Variants in NAALADL2 observed in about 807,000 individuals in gnomAD.
The protein encoded by NAALADL2 is N-acetylated alpha-linked acidic dipeptidase like 2, also known as inactive N-acetylated-alpha-linked acidic dipeptidase-like protein 2.
Under a neutral mutation model 87.2 loss-of-function variants are expected in NAALADL2, and 76 were observed. The ratio of observed to expected loss-of-function variants is 0.87; its 90% confidence interval spans 0.72 to 1.05. NAALADL2 has a LOEUF of 1.05. NAALADL2 is among the 50% of genes least tolerant of loss of function. NAALADL2 has a pLI of 0.00. For synonymous variants in NAALADL2, 354 were observed against 331.0 expected (o/e 1.07, Z -0.75); for missense variants, 1,089 against 945.8 (o/e 1.15, Z -1.99).
chr3:174,970,793 A>G (rs1166154603), intron 1 of NAALADL2, among the ~76,000 whole-genome samples: 1 of 152,194 alleles, frequency 6.6e-6, no homozygotes, highest in African/African-American at 2.4e-5. Context: ...ACATATTTAT[A>G]TGGTCTCATT....
intron 2 of NAALADL2, among the ~76,000 whole-genome samples, chr3:174,731,510 A>T (rs1732704726): frequency 6.6e-6 from 1 of 152,170 alleles, no homozygotes; most frequent in Admixed American, 6.6e-5. Context: ...ATATATTTTC[A>T]TAACTTAGAA....
At chr3:174,882,783 A>T (rs151122575) in intron 1 of NAALADL2, among the ~76,000 whole-genome samples, 1 of 106,384 alleles carries the variant, frequency 9.4e-6, no homozygotes, top group Non-Finnish European at 1.9e-5. Flanking sequence ...ATATATACAT[A>T]TGTGTATATA....
chr3:174,529,238 T>C (rs1721029849), intron 1 of NAALADL2, among the ~76,000 whole-genome samples: 1 of 152,224 alleles, frequency 6.6e-6, no homozygotes, highest in African/African-American at 2.4e-5. Context: ...CGAAATCCAC[T>C]GGGGCAACCA....
At chr3:174,611,963 T>G (rs1401095897) in intron 2 of NAALADL2, among the ~76,000 whole-genome samples, 1 of 152,126 alleles carries the variant, frequency 6.6e-6, no homozygotes, top group South Asian at 2.1e-4. Flanking sequence ...TAGCATTTTT[T>G]TGTAGGACAG....
At chr3:175,768,423 G>A (rs1358239971) in intron 13 of NAALADL2, among the ~76,000 whole-genome samples, 3 of 152,072 alleles carry the variant, frequency 2.0e-5, no homozygotes, top group African/African-American at 7.3e-5. Flanking sequence ...TGTTGGTAAG[G>A]GCTCTGAAGT....
intron 1 of NAALADL2, among the ~76,000 whole-genome samples, chr3:174,939,769 T>G (rs767449147): frequency 7.2e-5 from 11 of 152,096 alleles, no homozygotes; most frequent in Admixed American, 6.6e-5. Flanking sequence ...TTTGTGGCAA[T>G]TGTGAATGAG....
chr3:175,043,380 A>G (rs191823762), intron 1 of NAALADL2, among the ~76,000 whole-genome samples: 59 of 152,212 alleles, frequency 3.9e-4, no homozygotes, highest in Admixed American at 9.2e-4. Context: ...CTGGGATTAC[A>G]GGCACGCGCC....
At chr3:174,627,631 C>T (rs1721708895) in intron 2 of NAALADL2, among the ~76,000 whole-genome samples, 1 of 152,154 alleles carries the variant, frequency 6.6e-6, no homozygotes, top group South Asian at 2.1e-4. Flanking sequence ...TAAAAGACAC[C>T]TGCACGTGTA....
At chr3:174,615,360 G>T (rs370193352) in intron 2 of NAALADL2, among the ~76,000 whole-genome samples, 4 of 152,248 alleles carry the variant, frequency 2.6e-5, no homozygotes, top group South Asian at 2.1e-4. Context: ...TCTGCTGATG[G>T]TTCACTTTGA....
At chr3:175,428,437 A>G (rs756689133) in intron 5 of NAALADL2, among the ~76,000 whole-genome samples, 2 of 152,258 alleles carry the variant, frequency 1.3e-5, no homozygotes, top group Non-Finnish European at 2.9e-5. Context: ...TGTCCAGCAG[A>G]CAGGACATTT....
chr3:175,107,897 G>A (rs1027407043), intron 2 of NAALADL2, among the ~76,000 whole-genome samples: 1 of 151,682 alleles, frequency 6.6e-6, no homozygotes, highest in Admixed American at 6.6e-5. Flanking sequence ...GCATCAAAAT[G>A]TAATCAACTC....
intron 3 of NAALADL2, among the ~76,000 whole-genome samples, chr3:174,766,415 C>T (rs1169710251): frequency 6.6e-6 from 1 of 152,144 alleles, no homozygotes; most frequent in Non-Finnish European, 1.5e-5. Context: ...ATCGCTCAGG[C>T]TCTTGCGAGG....
chr3:175,479,066 A>C (rs16825798), intron 9 of NAALADL2, among the ~76,000 whole-genome samples: 10,680 of 151,816 alleles, frequency 0.07, 443 homozygotes, highest in South Asian at 0.16. Context: ...ACAAAATAAT[A>C]ACCGTCTCAA....
chr3:175,063,820 T>A (rs1580259117), intron 1 of NAALADL2, among the ~76,000 whole-genome samples: 1 of 152,094 alleles, frequency 6.6e-6, no homozygotes, highest in Admixed American at 6.5e-5. Flanking sequence ...TCAAGCTTTT[T>A]AGCAGTTTAA....
At chr3:175,800,444 C>T (rs1754013905) in intron 13 of NAALADL2, among the ~76,000 whole-genome samples, 1 of 151,828 alleles carries the variant, frequency 6.6e-6, no homozygotes, top group South Asian at 2.1e-4. Context: ...TAAGTTTACT[C>T]ATAAGCATGA....
chr3:175,387,648 TAGAG>T (rs927043846), intron 5 of NAALADL2, among the ~76,000 whole-genome samples: 2 of 152,018 alleles, frequency 1.3e-5, no homozygotes, highest in Non-Finnish European at 2.9e-5. Context: ...AACAAAACAC[TAGAG>T]AAAGATTTGT....
At chr3:174,464,015 G>T (rs1716372317) in intron 1 of NAALADL2, among the ~76,000 whole-genome samples, 1 of 152,092 alleles carries the variant, frequency 6.6e-6, no homozygotes, top group Admixed American at 6.6e-5. Flanking sequence ...GAAATACACT[G>T]AATCACTGGA....
At chr3:174,975,072 C>T (rs1744195474) in intron 1 of NAALADL2, among the ~76,000 whole-genome samples, 1 of 152,096 alleles carries the variant, frequency 6.6e-6, no homozygotes, top group African/African-American at 2.4e-5. Context: ...AGCTGATGCA[C>T]TAGCATCAGG....
At chr3:175,235,995 C>G (rs1312600110) in intron 3 of NAALADL2, among the ~76,000 whole-genome samples, 1 of 152,126 alleles carries the variant, frequency 6.6e-6, no homozygotes, top group Non-Finnish European at 1.5e-5. Flanking sequence ...AATGCCCGTG[C>G]ACTTTCATAT....
Sources: gnomAD v4.1 joint callset for allele counts (sites outside exome capture counted in the v4.1 genomes callset) on GRCh38, gnomAD v4.1.1 for gene constraint, MANE v1.5 for transcripts, NCBI Gene and HGNC (gene_info 2026-07-23, HGNC 2026-07-21) for gene names.